The following NAB1 variants were observed in gnomAD, a reference collection of about 807,000 sequenced individuals.
The protein encoded by NAB1 is NGFI-A binding protein 1.
Under a neutral mutation model 49.9 loss-of-function variants are expected in NAB1, and 25 were observed. The ratio of observed to expected loss-of-function variants is 0.50; its 90% CI spans 0.37 to 0.70. The LOEUF (loss-of-function observed/expected upper bound fraction) is 0.70, where lower values mean the gene tolerates loss of function less well. NAB1 is among the 30% of genes least tolerant of loss of function. The pLI is 0.00. For synonymous variants in NAB1, 198 were observed against 215.6 expected (o/e 0.92, Z 0.71); for missense variants, 489 against 575.9 (o/e 0.85, Z 1.54).
chr2:190,681,758 G>T (rs1695358472), intron 6 of NAB1, among the ~76,000 whole-genome samples: 2 of 152,164 alleles, frequency 1.3e-5, no homozygotes, highest in South Asian at 4.1e-4. Context: ...ATATTTGAAA[G>T]AAATCTGCAG....
chr2:190,661,079 C>T (rs565041243), intron 4 of NAB1, among the ~76,000 whole-genome samples: 1 of 152,118 alleles, frequency 6.6e-6, no homozygotes, highest in South Asian at 2.1e-4. Flanking sequence ...AGGTGTGTGC[C>T]ACCACACCAA....
At position 190,664,349 on chromosome 2, in the gene NAB1, C is replaced by CT. The variant is rs539518993; in HGVS notation, c.819+4366dup. 3.0e-3 allele frequency among the ~76,000 whole-genome samples: 437 copies of CT among 143,788 alleles called. 2 individuals carry two copies. Among genetic ancestry groups the CT allele is most frequent in the South Asian group, 5.6e-3 (26 of 4,608 alleles). The allele number at this position is 143,788 out of a possible 152,430, so 94.3% of individuals were successfully genotyped here. On this transcript the variant is annotated intron_variant, in intron 4 of 9. Transcript: ENST00000337386. ...GTCATTGCCTATTACATCTTTATAT[C>CT]TTTTTTTTTTTTGGAGACAGGGTTC...
At position 190,682,453 on chromosome 2, in the gene NAB1, C is replaced by T. The variant is rs533758367; in HGVS notation, c.1006-1285C>T. Among the ~76,000 whole-genome samples, 28 of 152,278 alleles carry T rather than the reference C, an allele frequency of 1.8e-4. No individual in the cohort carries two copies. The highest frequency in any genetic ancestry group is 4.1e-4 in the African/African-American group (17 of 41,562). ...TCATAGGTTATGATAAAGGTGAAATCGCAAGCCAACATGAAGGAATCCTTG... is the reference window on the plus strand; with the variant it reads ...TCATAGGTTATGATAAAGGTGAAATTGCAAGCCAACATGAAGGAATCCTTG... On this transcript the variant is annotated intron_variant, in intron 6 of 9. Coordinates refer to ENST00000337386, the MANE Select transcript of NAB1 (RefSeq NM_005966.4). This position sits in a 1 kb window ranked among gnomAD's most constrained non-coding sequence, Gnocchi z 4.1.
At chr2:190,664,614 T>TTTTTTTTTTG (rs1553548974) in intron 4 of NAB1, among the ~76,000 whole-genome samples, 1 of 111,814 alleles carries the variant, frequency 8.9e-6, no homozygotes, top group African/African-American at 3.8e-5. Context: ...TTTTTTTTTT[T>TTTTTTTTTTG]GTAGGGACAG....
chr2:190,687,395 C>CAAAA (rs60742412), intron 9 of NAB1, 78 bp downstream of exon 9: 142 of 161,762 alleles, frequency 8.8e-4, no homozygotes, highest in South Asian at 1.5e-3. Context: ...CCTCCCCCAT[C>CAAAA]AAAAAAAAAA....
rs1399393721 is a variant in NAB1, at chr2:190,667,144, A to G, written c.820-3182A>G. 6.6e-6 allele frequency among the ~76,000 whole-genome samples: 1 copy of G among 152,048 alleles called. No individual in the cohort carries two copies. Among genetic ancestry groups the G allele is most frequent in the Non-Finnish European group, 1.5e-5 (1 of 68,016 alleles). On this transcript the variant is annotated intron_variant, in intron 4 of 9. Coordinates refer to ENST00000337386, the MANE Select transcript of NAB1 (RefSeq NM_005966.4). The surrounding 1 kb of genome is among the most constrained non-coding windows in gnomAD (Gnocchi z 4.4). ...TCCCTGAGGGCCTGGAGTTTAGTCT[A>G]CTTTTTTGGTTTGTGGGAGCCTGAA...
rs916256247 is a variant in NAB1, at chr2:190,670,311, G to T, written c.820-15G>T. 4 of 1,587,382 alleles carry T rather than the reference G, an allele frequency of 2.5e-6. No homozygotes were observed. Among genetic ancestry groups the T allele is most frequent in the Admixed American group, 3.8e-5 (2 of 52,046 alleles). ...AAAATGTTCTTAATTTTGAAACTCT[G>T]TTTTGGATATCCAGCTCACTGTTAA... On this transcript the variant is annotated splice_polypyrimidine_tract_variant and intron_variant, in intron 4 of 9. Coordinates refer to ENST00000337386, the MANE Select transcript of NAB1 (RefSeq NM_005966.4). The surrounding 1 kb of genome is among the most constrained non-coding windows in gnomAD (Gnocchi z 5.3).
chr2:190,687,581 T>C (rs751342058), intron 9 of NAB1, among the ~76,000 whole-genome samples: 13 of 152,156 alleles, frequency 8.5e-5, no homozygotes, highest in South Asian at 8.3e-4. Context: ...ATGCAAATAG[T>C]CCAAAATCTG....
intron 2 of NAB1, among the ~76,000 whole-genome samples, chr2:190,655,134 T>C (rs2125573836): frequency 6.6e-6 from 1 of 152,360 alleles, no homozygotes; most frequent in South Asian, 2.1e-4. Context: ...TTTTAGTATT[T>C]GTTTTTTGAG....
Position 190,680,533 on chromosome 2 carries a change from G to A in NAB1, c.1006-3205G>A, listed in dbSNP as rs572895226. Among the ~76,000 whole-genome samples, 7 of 152,280 alleles carry A rather than the reference G, an allele frequency of 4.6e-5. No homozygotes were observed. Among genetic ancestry groups the A allele is most frequent in the Admixed American group, 1.3e-4 (2 of 15,304 alleles). On this transcript the variant is annotated intron_variant, in intron 6 of 9. Transcript: ENST00000337386. The surrounding 1 kb of genome is among the most constrained non-coding windows in gnomAD (Gnocchi z 5.2). ...CTCCCTGGACTGTGTTGTCAGGAGC[G>A]CCTGAGGCATGGCCATCTTGTTTGA...
In NAB1 at chr2:190,689,337, C is replaced by T. The variant is rs1213963059; in HGVS notation, c.1376-908C>T. Among the ~76,000 whole-genome samples, 2 of 152,196 alleles carry T rather than the reference C, an allele frequency of 1.3e-5. No individual in the cohort carries two copies. Among genetic ancestry groups the T allele is most frequent in the African/African-American group, 4.8e-5 (2 of 41,446 alleles). ...AACAAGATAGTGTACCTGCATCGTACACTATCTATTCCAGCCAGCAGGAAT... is the reference window on the plus strand; with the variant it reads ...AACAAGATAGTGTACCTGCATCGTATACTATCTATTCCAGCCAGCAGGAAT... On this transcript the variant is annotated intron_variant, in intron 9 of 9. Coordinates refer to ENST00000337386, the MANE Select transcript of NAB1 (RefSeq NM_005966.4). This position sits in a 1 kb window ranked among gnomAD's most constrained non-coding sequence, Gnocchi z 4.3.
rs935440344 is a variant in NAB1, at chr2:190,684,664, T to C, written c.1096-812T>C. Among the ~76,000 whole-genome samples, 3 of 152,234 alleles carry C rather than the reference T, an allele frequency of 2.0e-5. No individual in the cohort carries two copies. Among genetic ancestry groups the C allele is most frequent in the African/African-American group, 7.2e-5 (3 of 41,462 alleles). ...TCAGGGCATTTTGTAACCAATTTTA[T>C]ATAGCAGCTTTCTTGTCCTACTCTC... is the stretch of plus-strand genomic sequence containing the variant. On this transcript the variant is annotated intron_variant, in intron 7 of 9. Coordinates refer to ENST00000337386, the MANE Select transcript of NAB1 (RefSeq NM_005966.4). The surrounding 1 kb of genome is among the most constrained non-coding windows in gnomAD (Gnocchi z 4.6).
At position 190,678,236 on chromosome 2, in the gene NAB1, A is replaced by G. The variant is rs929810623; in HGVS notation, c.1005+5084A>G. Among the ~76,000 whole-genome samples, 1 of 152,230 alleles carries G rather than the reference A, an allele frequency of 6.6e-6. No homozygotes were observed. The highest frequency in any genetic ancestry group is 2.4e-5 in the African/African-American group (1 of 41,474). ...TCATTCAAGGGGATGAAAAATCAAG[A>G]GCCAAAGTCCCTGGCTCTCTTGTCT... On this transcript the variant is annotated intron_variant, in intron 6 of 9. Coordinates refer to ENST00000337386, the MANE Select transcript of NAB1 (RefSeq NM_005966.4). The surrounding 1 kb of genome is among the most constrained non-coding windows in gnomAD (Gnocchi z 4.9).
At chr2:190,653,414 A>G (rs1233677539) in intron 2 of NAB1, among the ~76,000 whole-genome samples, 1 of 152,212 alleles carries the variant, frequency 6.6e-6, no homozygotes, top group Non-Finnish European at 1.5e-5. Flanking sequence ...CATTTTTTGT[A>G]AGTCTGTAAG....
At chr2:190,683,683 A>G in intron 6 of NAB1, 55 bp from the exon 7 acceptor site, 4 of 1,280,280 alleles carry the variant, frequency 3.1e-6, no homozygotes, top group Non-Finnish European at 4.4e-6. Context: ...AGTTTTTGAT[A>G]ATATTTTATT....
chr2:190,690,034 T>TGTATACTATACATATATGTATA (rs1695874523), intron 9 of NAB1, among the ~76,000 whole-genome samples: 4 of 8,578 alleles, frequency 4.7e-4, no homozygotes, highest in South Asian at 3.8e-3. Context: ...GTATACTATA[T>TGTATACTATACATATATGTATA]GTATACATCT....
rs372999625 is a variant in NAB1 at position 190,679,060 on chromosome 2, C to T, written c.1006-4678C>T. 9.2e-5 allele frequency among the ~76,000 whole-genome samples: 14 copies of T among 152,252 alleles called. No individual in the cohort carries two copies. Among genetic ancestry groups the T allele is most frequent in the African/African-American group, 3.4e-4 (14 of 41,538 alleles). ...TTCTCAGTGATCAGACCCAGAGTCT[C>T]GTCAGCAAGGAAACACTGTGATTAA... On this transcript the variant is annotated intron_variant, in intron 6 of 9. Transcript: ENST00000337386. This position sits in a 1 kb window ranked among gnomAD's most constrained non-coding sequence, Gnocchi z 5.3.
rs1302444406 is a variant in NAB1 at position 190,686,235 on chromosome 2, ACT to A, written c.1258+601_1258+602del. ...TTTTAGCAATTCCTATGTGCCAGGC[ACT>A]CTCCTAGGCACTGAAGATGCAGCAG... On this transcript the variant is annotated intron_variant, in intron 8 of 9. Transcript: ENST00000337386. This position sits in a 1 kb window ranked among gnomAD's most constrained non-coding sequence, Gnocchi z 5.5. Among the ~76,000 whole-genome samples, 7 of 152,142 alleles carry A rather than the reference ACT, an allele frequency of 4.6e-5. No homozygotes were observed. In the East Asian group the frequency reaches 1.4e-3, roughly 29 times the overall value.
rs1240510005 is a variant in NAB1 at position 190,667,422 on chromosome 2, T to C, written c.820-2904T>C. On this transcript the variant is annotated intron_variant, in intron 4 of 9. Coordinates refer to ENST00000337386, the MANE Select transcript of NAB1 (RefSeq NM_005966.4). This position sits in a 1 kb window ranked among gnomAD's most constrained non-coding sequence, Gnocchi z 4.4. The stretch of plus-strand genomic sequence containing the variant: ...ATTTGAGAATCCTCTTCAAGGTCAT[T>C]TAGCTACTGCCATGCTGAAACTGAT... Among the ~76,000 whole-genome samples the C allele has an allele frequency of 6.6e-6, 1 of 152,194 alleles. No homozygotes were observed. Among genetic ancestry groups the C allele is most frequent in the Non-Finnish European group, 1.5e-5 (1 of 68,038 alleles).
Sources: allele counts gnomAD v4.1 joint callset (sites outside exome capture counted in the v4.1 genomes callset), GRCh38; gene constraint gnomAD v4.1.1; non-coding constraint Gnocchi (gnomAD v3.1); transcripts MANE v1.5; gene names NCBI Gene and HGNC (gene_info 2026-07-23, HGNC 2026-07-21).